Variants in MTCL1 observed in about 807,000 individuals in gnomAD.
The protein encoded by MTCL1 is microtubule cross-linking factor 1.
In MTCL1, 79 loss-of-function variants were observed where a neutral mutation model predicts 141.4. The observed-to-expected ratio is 0.56, with a 90% CI of 0.47 to 0.67. The LOEUF is 0.67. MTCL1 is among the 30% of genes least tolerant of loss of function. MTCL1 has a pLI of 0.00. For synonymous variants in MTCL1, 914 were observed against 875.8 expected (o/e 1.04, Z -0.77); for missense variants, 2,177 against 2,113.9 (o/e 1.03, Z -0.59).
intron 4 of MTCL1, among the ~76,000 whole-genome samples, chr18:8,766,324 G>A (rs1324508011): frequency 2.6e-5 from 4 of 152,186 alleles, no homozygotes; most frequent in African/African-American, 9.6e-5. Flanking sequence ...TCCCCACTAG[G>A]TGAAGCATGA....
chr18:8,802,046 G>T (rs1437325229), intron 10 of MTCL1: 2 of 152,188 alleles, frequency 1.3e-5, no homozygotes, highest in African/African-American at 4.8e-5. Context: ...AACAATGAAG[G>T]TTACATTGAG....
intron 1 of MTCL1, among the ~76,000 whole-genome samples, chr18:8,709,201 T>G (rs964914462): frequency 1.6e-4 from 11 of 70,908 alleles, no homozygotes; most frequent in African/African-American, 2.1e-4. Flanking sequence ...TTTTTTGTGG[T>G]TTTTTTTTGA....
At chr18:8,790,544 A>G (rs28703791) in intron 7 of MTCL1, among the ~76,000 whole-genome samples, 1,836 of 152,336 alleles carry the variant, frequency 0.012, 38 homozygotes, top group African/African-American at 0.042. Context: ...CCAAGGGCAG[A>G]TGTGGCCGCT....
chr18:8,776,587 T>G (rs1268086825), intron 4 of MTCL1, among the ~76,000 whole-genome samples: 3 of 152,150 alleles, frequency 2.0e-5, no homozygotes, highest in Non-Finnish European at 1.5e-5. Flanking sequence ...TGTAAGATCT[T>G]TAAGATAGAG....
At chr18:8,783,643 C>T (rs762492283) in exon 6 of MTCL1, 4 of 1,613,332 alleles carry the variant, frequency 2.5e-6, no homozygotes, top group Admixed American at 1.7e-5. Context: ...AGCAGGAGCT[C>T]CAGAAGTACA....
chr18:8,751,761 T>C (rs1156436344), intron 4 of MTCL1, among the ~76,000 whole-genome samples: 2 of 152,136 alleles, frequency 1.3e-5, no homozygotes, highest in Non-Finnish European at 2.9e-5. Flanking sequence ...ACAAAAACAA[T>C]CTTTTTTGCT....
intron 4 of MTCL1, among the ~76,000 whole-genome samples, chr18:8,740,890 A>G (rs780191604): frequency 6.6e-6 from 1 of 152,246 alleles, no homozygotes; most frequent in African/African-American, 2.4e-5. Context: ...CCATAGCCCA[A>G]GGCAGCACCT....
intron 4 of MTCL1, among the ~76,000 whole-genome samples, chr18:8,752,109 T>C (rs765992396): frequency 6.6e-6 from 1 of 152,182 alleles, no homozygotes; most frequent in Non-Finnish European, 1.5e-5. Context: ...GCTTTGACTC[T>C]AGGACATCCC....
intron 11 of MTCL1, 77 bp downstream of exon 10, chr18:8,807,137 CAGAG>C: frequency 7.2e-7 from 1 of 1,397,954 alleles, no homozygotes; most frequent in Non-Finnish European, 9.7e-7. Context: ...GGAGCGGGCA[CAGAG>C]AGATTCAGAA....
chr18:8,790,018 A>T (rs543908769), intron 7 of MTCL1, among the ~76,000 whole-genome samples: 1 of 152,240 alleles, frequency 6.6e-6, no homozygotes, highest in African/African-American at 2.4e-5. Flanking sequence ...AAGGAAAATG[A>T]AACTTCTGAT....
chr18:8,763,816 T>C (rs2096445414), intron 4 of MTCL1, among the ~76,000 whole-genome samples: 2 of 152,328 alleles, frequency 1.3e-5, no homozygotes, highest in South Asian at 4.2e-4. Context: ...ACTTTTGCCA[T>C]TGGCTCTTGG....
intron 4 of MTCL1, among the ~76,000 whole-genome samples, chr18:8,750,389 G>A (rs1469254437): frequency 2.0e-5 from 3 of 152,184 alleles, no homozygotes; most frequent in African/African-American, 2.4e-5. Flanking sequence ...CTGCCTAAGC[G>A]AAATATGCCT....
rs768677175 is a variant in MTCL1, at chr18:8,825,264, G to A, written c.3754G>A (p.Gly1252Arg). Reference sequence around the variant, plus strand: ...CAGGCACTCCCGGGACTATGTGGAGGGGGCACGGCGCCCCCTTGATAGTCC... The same window carrying A: ...CAGGCACTCCCGGGACTATGTGGAGAGGGCACGGCGCCCCCTTGATAGTCC... The change falls in exon 15 of 17, where the codon GGG becomes AGG. Residue 1252 changes from glycine to arginine, a missense_variant. Coordinates refer to ENST00000359865, the Ensembl canonical transcript of MTCL1. 7.0e-6 allele frequency: 11 copies of A among 1,576,664 alleles called. No homozygotes were observed. The Admixed American group carries it at 1.1e-4, about 16-fold the overall frequency.
At chr18:8,753,728 C>A (rs2096383337) in intron 4 of MTCL1, among the ~76,000 whole-genome samples, 1 of 152,188 alleles carries the variant, frequency 6.6e-6, no homozygotes, top group African/African-American at 2.4e-5. Context: ...CCTCAGCCAT[C>A]AAGGTTTCTC....
chr18:8,734,937 G>C (rs913047565), intron 4 of MTCL1, among the ~76,000 whole-genome samples: 1 of 152,176 alleles, frequency 6.6e-6, no homozygotes, highest in African/African-American at 2.4e-5. Context: ...TTTCCACCAG[G>C]AGAGGGTCTG....
chr18:8,832,057 C>T (rs2077207294), exon 17 of MTCL1: 1 of 545,630 alleles, frequency 1.8e-6, no homozygotes, highest in Non-Finnish European at 3.2e-6. Flanking sequence ...TTTTTACACA[C>T]AGTATATTAA....
At chr18:8,823,805 A>G (rs2076923704) in intron 14 of MTCL1, among the ~76,000 whole-genome samples, 1 of 152,194 alleles carries the variant, frequency 6.6e-6, no homozygotes, top group South Asian at 2.1e-4. Context: ...ACCAGCGCAC[A>G]CGGTACAGGG....
intron 10 of MTCL1, among the ~76,000 whole-genome samples, chr18:8,806,580 G>A (rs767078779): frequency 3.9e-5 from 6 of 152,098 alleles, no homozygotes; most frequent in Admixed American, 6.5e-5. Flanking sequence ...CAGCACCTCT[G>A]TGGCAGGTTC....
intron 4 of MTCL1, among the ~76,000 whole-genome samples, chr18:8,768,936 T>G (rs1351000046): frequency 6.6e-6 from 1 of 151,970 alleles, no homozygotes; most frequent in East Asian, 1.9e-4. Flanking sequence ...GGATTACAGG[T>G]GTGCATCAGC....
Sources: allele counts gnomAD v4.1 joint callset (sites outside exome capture counted in the v4.1 genomes callset), GRCh38; gene constraint gnomAD v4.1.1; transcripts MANE v1.5; gene names NCBI Gene and HGNC (gene_info 2026-07-23, HGNC 2026-07-21).